Variants in PHB1 observed in about 807,000 individuals in gnomAD.
PHB1 encodes the protein epididymis luminal protein 215.
chr17:49,409,825 C>T, the PHB1 span, among the ~76,000 whole-genome samples: 1 of 148,578 alleles, frequency 6.7e-6, no homozygotes, highest in Non-Finnish European at 1.5e-5. Context: ...TGTGAGCCAC[C>T]GCACCTGGCC....
At chr17:49,405,177 T>C in the PHB1 span, 3 of 1,614,078 alleles carry the variant, frequency 1.9e-6, no homozygotes, top group Non-Finnish European at 2.5e-6. Context: ...TCAGCAGAGA[T>C]GATGGCCGCC....
chr17:49,406,623 A>G, the PHB1 span: 312 of 699,004 alleles, frequency 4.5e-4, no homozygotes, highest in African/African-American at 5.0e-3. Context: ...CAGAAGTACA[A>G]TTCCTTCAAG....
chr17:49,406,185 CCT>C, the PHB1 span, among the ~76,000 whole-genome samples: 1 of 152,178 alleles, frequency 6.6e-6, no homozygotes, highest in South Asian at 2.1e-4. Flanking sequence ...TAAATCTATC[CCT>C]CTTTTCCCAT....
At chr17:49,405,470 T>C in the PHB1 span, among the ~76,000 whole-genome samples, 1 of 152,318 alleles carries the variant, frequency 6.6e-6, no homozygotes, top group South Asian at 2.1e-4. Flanking sequence ...TTCAAAGTCC[T>C]CATTAATATT....
chr17:49,411,760 A>G, the PHB1 span: 1 of 1,614,156 alleles, frequency 6.2e-7, no homozygotes, highest in Non-Finnish European at 8.5e-7. Context: ...ACGGGATGAG[A>G]AAATGAGTCC....
chr17:49,407,024 A>T, the PHB1 span: 3 of 629,626 alleles, frequency 4.8e-6, no homozygotes, highest in Non-Finnish European at 8.7e-6. Context: ...AACTGAGTTT[A>T]CACCCAGACT....
chr17:49,409,544 T>TTTG, the PHB1 span: 2 of 359,358 alleles, frequency 5.6e-6, no homozygotes, highest in African/African-American at 3.3e-5. Flanking sequence ...TTTTTTTTTG[T>TTTG]TTTTTTTTTT....
chr17:49,413,213 C>G, the PHB1 span: 1 of 1,612,478 alleles, frequency 6.2e-7, no homozygotes, highest in South Asian at 1.1e-5. Context: ...CCTCCTGCAA[C>G]AGCTAAGGCC....
At chr17:49,405,009 G>A in the PHB1 span, 12 of 1,555,210 alleles carry the variant, frequency 7.7e-6, no homozygotes, top group Non-Finnish European at 9.6e-6. Context: ...GGCAGCTGGA[G>A]GAGCACGGAC....
At chr17:49,407,318 G>A in the PHB1 span, 7 of 169,034 alleles carry the variant, frequency 4.1e-5, no homozygotes, top group African/African-American at 1.7e-4. Context: ...AGGGATCCAA[G>A]AGCCTGATGC....
At chr17:49,409,090 A>G in the PHB1 span, 20 of 1,613,198 alleles carry the variant, frequency 1.2e-5, no homozygotes, top group Non-Finnish European at 1.6e-5. Flanking sequence ...CTCGCTCTGT[A>G]AGGTCGTCGC....
the PHB1 span, among the ~76,000 whole-genome samples, chr17:49,410,969 CA>C: frequency 1.3e-5 from 2 of 152,144 alleles, no homozygotes; most frequent in African/African-American, 2.4e-5. Context: ...TGCCTGGAGC[CA>C]AAGCACTGTC....
chr17:49,409,570 T>C, the PHB1 span: 1 of 1,018,258 alleles, frequency 9.8e-7, no homozygotes, highest in Non-Finnish European at 1.4e-6. Context: ...AGACAGGTTT[T>C]TGCTCTTGTT....
chr17:49,404,858 C>A, the PHB1 span: 1 of 644,142 alleles, frequency 1.6e-6, no homozygotes, highest in Non-Finnish European at 2.8e-6. Flanking sequence ...GTGATTTTAC[C>A]TTTATTTCCT....
the PHB1 span, chr17:49,411,951 C>G: frequency 1.1e-6 from 1 of 946,252 alleles, no homozygotes; most frequent in East Asian, 2.6e-5. Flanking sequence ...AGTCTCCCCT[C>G]TTCTCTCTGT....
At chr17:49,409,566 GT>G in the PHB1 span, 1 of 1,065,188 alleles carries the variant, frequency 9.4e-7, no homozygotes, top group Non-Finnish European at 1.4e-6. Context: ...TTTGAGACAG[GT>G]TTTTGCTCTT....
chr17:49,413,669 C>A, the PHB1 span, among the ~76,000 whole-genome samples: 32 of 151,924 alleles, frequency 2.1e-4, no homozygotes, highest in Admixed American at 6.6e-5. Context: ...CCACCATGCC[C>A]GGCTAATTTT....
chr17:49,406,986 C>T, the PHB1 span: 5 of 686,428 alleles, frequency 7.3e-6, no homozygotes, highest in African/African-American at 1.8e-5. Context: ...GAGGCCAGAA[C>T]ACTCTTCCAC....
the PHB1 span, chr17:49,409,260 C>T: frequency 8.5e-5 from 136 of 1,597,336 alleles, no homozygotes; most frequent in South Asian, 3.0e-4. Context: ...CACTGCCAAG[C>T]GCTTCCTGCC....
Sources: gnomAD v4.1 joint callset for allele counts (sites outside exome capture counted in the v4.1 genomes callset) on GRCh38, gnomAD v4.1.1 for gene constraint, MANE v1.5 for transcripts, NCBI Gene and HGNC (gene_info 2026-07-23, HGNC 2026-07-21) for gene names.